The following MTRF1 variants were observed in gnomAD, a reference collection of about 807,000 sequenced individuals.
MTRF1 encodes peptide chain release factor 1, mitochondrial.
Under a neutral mutation model 62.9 loss-of-function variants are expected in MTRF1, and 51 were observed. The ratio of observed to expected loss-of-function variants is 0.81; its 90% CI spans 0.65 to 1.02. The LOEUF is 1.02. MTRF1 is among the 50% of genes least tolerant of loss of function. The pLI, the probability that MTRF1 is intolerant of heterozygous loss-of-function variation, is 0.00. For missense variants in MTRF1, 446 were observed against 530.0 expected (o/e 0.84, Z 1.56); for synonymous variants, 158 against 181.9 (o/e 0.87, Z 1.06).
intron 1 of MTRF1, 42 bp from the exon 2 acceptor site, chr13:41,260,957 T>TA: frequency 7.1e-7 from 1 of 1,415,206 alleles, no homozygotes; most frequent in Non-Finnish European, 9.5e-7. Context: ...AAATCATCTC[T>TA]AAAGATACAT....
the MTRF1 span, among the ~76,000 whole-genome samples, chr13:41,291,004 G>C: frequency 6.6e-6 from 1 of 151,466 alleles, no homozygotes; most frequent in Non-Finnish European, 1.5e-5. Flanking sequence ...GCTGAGGCAG[G>C]AGAATTGTTT....
At chr13:41,220,082 C>T (rs1009240771) in intron 9 of MTRF1, among the ~76,000 whole-genome samples, 4 of 150,094 alleles carry the variant, frequency 2.7e-5, no homozygotes, top group Non-Finnish European at 5.9e-5. Context: ...AAACCCAGCA[C>T]TTTGGGAGGC....
At chr13:41,257,991 T>C (rs1347604326) in intron 2 of MTRF1, among the ~76,000 whole-genome samples, 1 of 152,206 alleles carries the variant, frequency 6.6e-6, no homozygotes, top group Non-Finnish European at 1.5e-5. Flanking sequence ...AGAAATGATG[T>C]AATCCAATCT....
the MTRF1 span, among the ~76,000 whole-genome samples, chr13:41,279,668 T>C: frequency 6.6e-6 from 1 of 152,188 alleles, no homozygotes; most frequent in Non-Finnish European, 1.5e-5. Context: ...CATAATATTA[T>C]GAGACACGGA....
At chr13:41,311,405 T>C in the MTRF1 span, 2 of 906,978 alleles carry the variant, frequency 2.2e-6, no homozygotes, top group South Asian at 1.6e-5. Flanking sequence ...TGTAGACCAA[T>C]GAACTAATCC....
At chr13:41,266,158 TTAAA>T (rs1392173916), upstream of MTRF1, among the ~76,000 whole-genome samples, 1 of 152,090 alleles carries the variant, frequency 6.6e-6, no homozygotes, top group Non-Finnish European at 1.5e-5. Flanking sequence ...TTATTTTTTT[TTAAA>T]TAGAGATGGG....
chr13:41,240,265 T>C lies in MTRF1; in HGVS notation c.866A>G (p.Asp289Gly), dbSNP rs376909171. Reference sequence around the variant, plus strand: ...CTTGCCTCCTCCTGAGGTTACCTCATCTGGCTGAGGAAGGACAATAACCGA... The same window carrying C: ...CTTGCCTCCTCCTGAGGTTACCTCACCTGGCTGAGGAAGGACAATAACCGA... ...TMSVIVLPQP[D>G]EVDVKLDPKD... Residue 289 changes from aspartate (D) to glycine (G), a missense_variant, in exon 6 of 10, where the codon GAT becomes GGT. Coordinates refer to ENST00000379480, the MANE Select transcript of MTRF1 (RefSeq NM_004294.4). The C allele has an allele frequency of 1.9e-6, 3 of 1,605,928 alleles. No individual in the cohort carries two copies. The African/African-American group carries it at 4.0e-5, about 22-fold the overall frequency.
chr13:41,281,828 C>T, the MTRF1 span, among the ~76,000 whole-genome samples: 1 of 152,032 alleles, frequency 6.6e-6, no homozygotes, highest in Admixed American at 6.6e-5. Flanking sequence ...GGATCTTCAA[C>T]GAAGGTAAAA....
chr13:41,254,669 A>G, intron 2 of MTRF1, 49 bp from the exon 3 acceptor site: 1 of 1,395,134 alleles, frequency 7.2e-7, no homozygotes, highest in Non-Finnish European at 1.0e-6. Flanking sequence ...ATACTTACAG[A>G]GAAACTCCTA....
At chr13:41,235,388 GA>G (rs1217326902) in intron 6 of MTRF1, 2 of 152,170 alleles carry the variant, frequency 1.3e-5, no homozygotes, top group Non-Finnish European at 2.9e-5. Flanking sequence ...TGGGAATAAT[GA>G]AAATCAACTT....
At chr13:41,298,074 CT>C in the MTRF1 span, among the ~76,000 whole-genome samples, 1 of 151,870 alleles carries the variant, frequency 6.6e-6, no homozygotes, top group Non-Finnish European at 1.5e-5. Context: ...ATCTACAATC[CT>C]TTTTGTAATG....
At position 41,260,691 on chromosome 13, in the gene MTRF1, T is replaced by C. The variant is rs2040348475; in HGVS notation, c.217A>G (p.Lys73Glu). The change falls in exon 2 of 10, where the codon AAA becomes GAA. Residue 73 changes from lysine to glutamate, a missense_variant. By Grantham distance (56) the Lys-to-Glu change is moderately conservative. Coordinates refer to ENST00000379480, the MANE Select transcript of MTRF1 (RefSeq NM_004294.4). ...TTCTCCATATATTTCTGTAGTGCTT[T>C]ATGCTTCCAGAGCATCTTGGTGTCT... ...HQDTKMLWKH[K>E]ALQKYMENLS... is the part of the protein sequence containing the mutation. The C allele has an allele frequency of 4.3e-6, 7 of 1,614,202 alleles. No individual in the cohort carries two copies. The South Asian group carries it at 4.4e-5, about 10-fold the overall frequency.
chr13:41,278,971 CTATTTTTTATTTTATTT>C, the MTRF1 span, among the ~76,000 whole-genome samples: 1 of 152,064 alleles, frequency 6.6e-6, no homozygotes, highest in Non-Finnish European at 1.5e-5. Flanking sequence ...ATAAAACAAA[CTATTTTTTATTTTATTT>C]TATTTTTTAT....
the MTRF1 span, among the ~76,000 whole-genome samples, chr13:41,286,282 T>G: frequency 6.6e-6 from 1 of 152,132 alleles, no homozygotes; most frequent in Non-Finnish European, 1.5e-5. Context: ...CCAAGATACA[T>G]AAAAGGATCT....
At chr13:41,280,097 T>C in the MTRF1 span, among the ~76,000 whole-genome samples, 1 of 152,096 alleles carries the variant, frequency 6.6e-6, no homozygotes, top group South Asian at 2.1e-4. Flanking sequence ...GACACCATGC[T>C]TGTCTAATTT....
intron 5 of MTRF1, among the ~76,000 whole-genome samples, chr13:41,251,906 G>A (rs187088288): frequency 6.6e-6 from 1 of 151,516 alleles, no homozygotes; most frequent in Non-Finnish European, 1.5e-5. Flanking sequence ...TTTTGAGACA[G>A]TCTCACTTTG....
At chr13:41,275,864 T>A in the MTRF1 span, among the ~76,000 whole-genome samples, 1 of 152,306 alleles carries the variant, frequency 6.6e-6, no homozygotes, top group East Asian at 1.9e-4. Flanking sequence ...AAGAGCATAT[T>A]TATGTCAAAT....
At chr13:41,282,172 A>C in the MTRF1 span, among the ~76,000 whole-genome samples, 1 of 151,738 alleles carries the variant, frequency 6.6e-6, no homozygotes, top group Non-Finnish European at 1.5e-5. Flanking sequence ...TCTGACTAAC[A>C]GCTCTGGGAA....
intron 8 of MTRF1, among the ~76,000 whole-genome samples, chr13:41,225,451 A>G (rs553422374): frequency 1.2e-4 from 19 of 152,328 alleles, no homozygotes; most frequent in African/African-American, 3.6e-4. Context: ...ATGATGCACT[A>G]CAATCTGGGA....
Sources: allele counts gnomAD v4.1 joint callset (sites outside exome capture counted in the v4.1 genomes callset), GRCh38; gene constraint gnomAD v4.1.1; transcripts MANE v1.5; gene names NCBI Gene and HGNC (gene_info 2026-07-23, HGNC 2026-07-21).